ENTPD1: variants seen among roughly 807,000 people sequenced by gnomAD.
ENTPD1 encodes the protein ATP diphosphohydrolase.
ENTPD1 carries 33 observed loss-of-function variants against 57.0 expected under a neutral mutation model. That is an observed-to-expected ratio of 0.58 (90% confidence interval 0.44 to 0.77). The LOEUF (loss-of-function observed/expected upper bound fraction) is 0.77. Among genes scored for constraint, ENTPD1 ranks in the 30% least tolerant of loss-of-function variants. The pLI, the probability that ENTPD1 is intolerant of heterozygous loss-of-function variation, is 0.00. For synonymous variants in ENTPD1, 202 were observed against 218.8 expected (o/e 0.92, Z 0.68); for missense variants, 501 against 603.4 (o/e 0.83, Z 1.78).
At chr10:95,851,625 T>G (rs913743097) in intron 7 of ENTPD1, among the ~76,000 whole-genome samples, 1 of 131,924 alleles carries the variant, frequency 7.6e-6, no homozygotes, top group African/African-American at 2.9e-5. Context: ...TTCCCCTTCC[T>G]GTGTCCATGT....
intron 1 of ENTPD1, among the ~76,000 whole-genome samples, chr10:95,739,680 T>G (rs1482247116): frequency 6.6e-6 from 1 of 152,212 alleles, no homozygotes; most frequent in Non-Finnish European, 1.5e-5. Context: ...AATTGACTTC[T>G]TCCAAATTCC....
At position 95,864,722 on chromosome 10, in the gene ENTPD1, A is replaced by G; in HGVS notation, c.1189-2A>G. On this transcript the variant is annotated splice_acceptor_variant, in intron 8 of 9. Coordinates refer to ENST00000371205, the MANE Select transcript of ENTPD1 (RefSeq NM_001776.6). LOFTEE classifies it high-confidence loss of function. ...ATGATCTCCCCCTCACTTCACTTCT[A>G]GATAAAAACATCTTACGCTGGAGTA... 3 of 1,614,106 alleles carry G rather than the reference A, an allele frequency of 1.9e-6. No individual in the cohort carries two copies. Among genetic ancestry groups the G allele is most frequent in the Non-Finnish European group, 2.5e-6 (3 of 1,180,020 alleles).
At chr10:95,706,290 G>A in the ENTPD1 span, among the ~76,000 whole-genome samples, 1 of 152,172 alleles carries the variant, frequency 6.6e-6, no homozygotes, top group Non-Finnish European at 1.5e-5. Flanking sequence ...GTGGCCAGTA[G>A]CGCCTTTGTT....
chr10:95,722,970 C>G (rs1160606091), intron 1 of ENTPD1, among the ~76,000 whole-genome samples: 1 of 152,182 alleles, frequency 6.6e-6, no homozygotes, highest in Admixed American at 6.5e-5. Context: ...GAGGTTTCCT[C>G]TAAAAGTTAT....
At chr10:95,741,153 TC>T (rs900219449) in intron 1 of ENTPD1, among the ~76,000 whole-genome samples, 6 of 152,234 alleles carry the variant, frequency 3.9e-5, no homozygotes, top group Admixed American at 1.3e-4. Flanking sequence ...CTTAATCATT[TC>T]TAACTTTTGA....
At chr10:95,730,939 C>T (rs1011492619) in intron 1 of ENTPD1, among the ~76,000 whole-genome samples, 1 of 152,196 alleles carries the variant, frequency 6.6e-6, no homozygotes, top group Admixed American at 6.5e-5. Context: ...GGTGAGGAAA[C>T]AGCCCATGCT....
At chr10:95,755,891 T>C, upstream of ENTPD1, 1 of 1,519,530 alleles carries the variant, frequency 6.6e-7, no homozygotes, top group African/African-American at 1.4e-5. Flanking sequence ...GAGAGAGAGA[T>C]GAAGAGGGAG....
chr10:95,784,203 T>G (rs1219991681), intron 1 of ENTPD1, among the ~76,000 whole-genome samples: 5 of 151,636 alleles, frequency 3.3e-5, no homozygotes, highest in Non-Finnish European at 7.4e-5. Context: ...CCAGGGACAC[T>G]GAAGTCAGGA....
rs1004019569 is a variant in ENTPD1, at chr10:95,869,105, A to G, written c.*2722A>G. On this transcript the variant is annotated 3_prime_UTR_variant, in exon 10 of 10. Transcript: ENST00000371205. ...ATCACTGATTACCATTCTCCCCTGG[A>G]TTTTCACCCAGGACTCAAAACTTGG... 17 of 985,102 alleles carry G rather than the reference A, an allele frequency of 1.7e-5. No individual in the cohort carries two copies. The African/African-American group carries it at 2.8e-4, about 16-fold the overall frequency. 61.0% of individuals were successfully genotyped at this position (985,102 alleles called of 1,614,324 possible). A position where few individuals can be genotyped will look rare whatever the true frequency, so the allele number is the denominator to read the frequency against.
Position 95,871,266 on chromosome 10 carries a change from A to G in ENTPD1, c.*4883A>G. On this transcript the variant is annotated 3_prime_UTR_variant, in exon 10 of 10. Coordinates refer to ENST00000371205, the MANE Select transcript of ENTPD1 (RefSeq NM_001776.6). ...ACAATGTCTTATTAACTGAAATATAAAATGTGTTTACTGTAAAATATAATC... is the reference window on the plus strand; with the variant it reads ...ACAATGTCTTATTAACTGAAATATAGAATGTGTTTACTGTAAAATATAATC... The G allele has an allele frequency of 1.0e-6, 1 of 984,816 alleles. No individual in the cohort carries two copies. Among genetic ancestry groups the G allele is most frequent in the South Asian group, 4.7e-5 (1 of 21,280 alleles). The allele number at this position is 984,816 out of a possible 1,614,324, so 61.0% of individuals were successfully genotyped here. A position where few individuals can be genotyped will look rare whatever the true frequency, so the allele number is the denominator to read the frequency against.
intron 1 of ENTPD1, among the ~76,000 whole-genome samples, chr10:95,789,667 A>G (rs1475597106): frequency 6.6e-6 from 1 of 152,192 alleles, no homozygotes; most frequent in Non-Finnish European, 1.5e-5. Flanking sequence ...TTAATCTATC[A>G]TTACTACCAT....
At chr10:95,765,299 T>A (rs1398307902) in intron 1 of ENTPD1, among the ~76,000 whole-genome samples, 1 of 152,254 alleles carries the variant, frequency 6.6e-6, no homozygotes, top group Non-Finnish European at 1.5e-5. Flanking sequence ...TATATTTTCT[T>A]CAAAGAGCTA....
At chr10:95,705,324 AGACTT>A in the ENTPD1 span, among the ~76,000 whole-genome samples, 1 of 152,054 alleles carries the variant, frequency 6.6e-6, no homozygotes, top group South Asian at 2.1e-4. Context: ...ATTTAACAAA[AGACTT>A]GTATGACAAC....
At chr10:95,778,601 A>G (rs1303290264) in intron 1 of ENTPD1, among the ~76,000 whole-genome samples, 1 of 152,150 alleles carries the variant, frequency 6.6e-6, no homozygotes, top group African/African-American at 2.4e-5. Context: ...TATGTCCTCA[A>G]CCTTATCTTT....
chr10:95,718,713 G>A (rs956496971), intron 1 of ENTPD1, among the ~76,000 whole-genome samples: 2 of 152,150 alleles, frequency 1.3e-5, no homozygotes, highest in South Asian at 2.1e-4. Context: ...TTCCTGGAGC[G>A]AGGGGATTAC....
At chr10:95,817,527 A>G (rs1488701715) in intron 1 of ENTPD1, among the ~76,000 whole-genome samples, 1 of 152,240 alleles carries the variant, frequency 6.6e-6, no homozygotes, top group Non-Finnish European at 1.5e-5. Flanking sequence ...ACTCAGAATA[A>G]GGCAAAGCCC....
At position 95,873,357 on chromosome 10, in the gene ENTPD1, CTG is replaced by C; in HGVS notation, c.*6977_*6978del. The C allele has an allele frequency of 2.0e-6, 2 of 985,554 alleles. No individual in the cohort carries two copies. The highest frequency in any genetic ancestry group is 2.4e-6 in the Non-Finnish European group (2 of 830,014). 61.1% of individuals were successfully genotyped at this position (985,554 alleles called of 1,614,324 possible). A position where few individuals can be genotyped will look rare whatever the true frequency, so the allele number is the denominator to read the frequency against. ...TCCAAGTGTTTCTTTTGTCAGTTGTCTGTGCCCCAGGAGATCCCTCTCTGCCT... is the reference window on the plus strand; with the variant it reads ...TCCAAGTGTTTCTTTTGTCAGTTGTCTGCCCCAGGAGATCCCTCTCTGCCT... On this transcript the variant is annotated 3_prime_UTR_variant, in exon 10 of 10. Transcript: ENST00000371205.
At chr10:95,701,924 A>G in the ENTPD1 span, among the ~76,000 whole-genome samples, 1 of 152,126 alleles carries the variant, frequency 6.6e-6, no homozygotes, top group African/African-American at 2.4e-5. Flanking sequence ...AATAGAACTT[A>G]GAGAACTTTT....
chr10:95,841,790 G>C (rs897255560), intron 3 of ENTPD1, among the ~76,000 whole-genome samples: 2 of 152,208 alleles, frequency 1.3e-5, no homozygotes, highest in Non-Finnish European at 2.9e-5. Context: ...AGGGAGGCAG[G>C]ATATCGGAGT....
Sources: gnomAD v4.1 joint callset for allele counts (sites outside exome capture counted in the v4.1 genomes callset) on GRCh38, gnomAD v4.1.1 for gene constraint, MANE v1.5 for transcripts, NCBI Gene and HGNC (gene_info 2026-07-23, HGNC 2026-07-21) for gene names.